Variants in HS6ST3 observed in about 807,000 individuals in gnomAD.
HS6ST3 encodes the protein heparan-sulfate 6-O-sulfotransferase 3.
In HS6ST3, 12 loss-of-function variants were observed where a neutral mutation model predicts 36.7. The ratio of observed to expected loss-of-function variants is 0.33; its 90% confidence interval spans 0.21 to 0.53. HS6ST3 has a LOEUF of 0.53. Ranked by LOEUF, HS6ST3 falls within the 20% of genes least tolerant of loss-of-function variation. HS6ST3 has a pLI of 0.95. For synonymous variants in HS6ST3, 240 were observed against 257.5 expected (o/e 0.93, Z 0.65); for missense variants, 584 against 640.9 (o/e 0.91, Z 0.96).
chr13:96,818,548 A>C (rs1878470012), intron 1 of HS6ST3, among the ~76,000 whole-genome samples: 1 of 152,228 alleles, frequency 6.6e-6, no homozygotes, highest in African/African-American at 2.4e-5. Context: ...AAGAGAAGCA[A>C]AAATGAAAGA....
At position 96,119,876 on chromosome 13, in the gene HS6ST3, G is replaced by GAA. The variant is rs34371079; in HGVS notation, c.707+28319_707+28320dup. On this transcript the variant is annotated intron_variant, in intron 1 of 1. Transcript: ENST00000376705. ...ACTATTGCAGCATTAAATATAATAG[G>GAA]AAAAAAAAAAAAAGGAAACTGTGCT... Among the ~76,000 whole-genome samples the GAA allele has an allele frequency of 8.9e-4, 128 of 143,990 alleles. 1 individual carries two copies. The highest frequency in any genetic ancestry group is 3.7e-3 in the Middle Eastern group (1 of 268). 94.5% of individuals were successfully genotyped at this position (143,990 alleles called of 152,430 possible).
chr13:96,749,617 T>C (rs1177596112), intron 1 of HS6ST3, among the ~76,000 whole-genome samples: 1 of 151,908 alleles, frequency 6.6e-6, no homozygotes, highest in Non-Finnish European at 1.5e-5. Context: ...TTAAGTCAGA[T>C]AAATACATTT....
intron 1 of HS6ST3, among the ~76,000 whole-genome samples, chr13:96,496,351 C>T (rs1403641282): frequency 6.6e-6 from 1 of 152,116 alleles, no homozygotes; most frequent in African/African-American, 2.4e-5. Context: ...AATGCCTTCC[C>T]GCTTTGTACA....
chr13:96,283,238 G>T (rs917704390), intron 1 of HS6ST3, among the ~76,000 whole-genome samples: 1 of 152,130 alleles, frequency 6.6e-6, no homozygotes, highest in Non-Finnish European at 1.5e-5. Flanking sequence ...AAGTAATAAA[G>T]TATTCTTTAT....
chr13:96,367,681 A>G (rs888851583), intron 1 of HS6ST3, among the ~76,000 whole-genome samples: 1 of 152,238 alleles, frequency 6.6e-6, no homozygotes, highest in Admixed American at 6.5e-5. Context: ...AAGAAGAAAA[A>G]CATGTTACCC....
chr13:96,251,158 G>A (rs150316586), intron 1 of HS6ST3, among the ~76,000 whole-genome samples: 2 of 152,272 alleles, frequency 1.3e-5, no homozygotes, highest in African/African-American at 4.8e-5. Flanking sequence ...TAGAGGATAG[G>A]TGTTAATTCT....
intron 1 of HS6ST3, among the ~76,000 whole-genome samples, chr13:96,180,642 T>C (rs2054235465): frequency 6.6e-6 from 1 of 152,224 alleles, no homozygotes; most frequent in African/African-American, 2.4e-5. Context: ...TGAGTACTTA[T>C]ATGTACCTGG....
At chr13:96,479,637 T>C (rs531226823) in intron 1 of HS6ST3, among the ~76,000 whole-genome samples, 1 of 152,132 alleles carries the variant, frequency 6.6e-6, no homozygotes, top group African/African-American at 2.4e-5. Context: ...ATTGATGAGG[T>C]GGAATTAAGA....
chr13:96,345,538 T>G (rs369357400), intron 1 of HS6ST3, among the ~76,000 whole-genome samples: 269 of 152,330 alleles, frequency 1.8e-3, no homozygotes, highest in African/African-American at 6.2e-3. Flanking sequence ...TATCTACCAT[T>G]TACATTTTCT....
chr13:96,455,266 C>G (rs1011547682), intron 1 of HS6ST3, among the ~76,000 whole-genome samples: 10 of 152,184 alleles, frequency 6.6e-5, no homozygotes, highest in African/African-American at 2.4e-4. Flanking sequence ...CACTCTGTCA[C>G]CCAGGCTGGA....
intron 1 of HS6ST3, among the ~76,000 whole-genome samples, chr13:96,812,316 C>A (rs1221821201): frequency 6.6e-6 from 1 of 152,178 alleles, no homozygotes; most frequent in Non-Finnish European, 1.5e-5. Flanking sequence ...CCCCATATGC[C>A]TTTGCCTTTC....
At chr13:96,530,058 A>G (rs76770223) in intron 1 of HS6ST3, among the ~76,000 whole-genome samples, 2,836 of 152,326 alleles carry the variant, frequency 0.019, 51 homozygotes, top group South Asian at 0.039. Flanking sequence ...TGAGCACTGA[A>G]TGATGCTCTG....
chr13:96,477,639 G>T (rs943419847), intron 1 of HS6ST3, among the ~76,000 whole-genome samples: 2 of 152,172 alleles, frequency 1.3e-5, no homozygotes, highest in African/African-American at 4.8e-5. Context: ...GAAGGCCAAG[G>T]CAGGCGCATC....
At chr13:96,822,249 GC>G (rs1306825336) in intron 1 of HS6ST3, among the ~76,000 whole-genome samples, 1 of 152,204 alleles carries the variant, frequency 6.6e-6, no homozygotes, top group African/African-American at 2.4e-5. Context: ...ATAAACCACA[GC>G]TTTGCAGAGA....
chr13:96,225,449 G>C (rs968372939), intron 1 of HS6ST3, among the ~76,000 whole-genome samples: 5 of 152,096 alleles, frequency 3.3e-5, no homozygotes, highest in African/African-American at 1.2e-4. Flanking sequence ...TTTTTACTGG[G>C]CATAATCATC....
intron 1 of HS6ST3, among the ~76,000 whole-genome samples, chr13:96,155,598 TA>T (rs973410946): frequency 2.8e-4 from 36 of 126,472 alleles, no homozygotes; most frequent in African/African-American, 8.6e-4. Context: ...GATTTTTTTT[TA>T]AAAAAGGCTA....
At chr13:96,127,639 A>G (rs935286155) in intron 1 of HS6ST3, among the ~76,000 whole-genome samples, 2 of 152,094 alleles carry the variant, frequency 1.3e-5, no homozygotes, top group African/African-American at 4.8e-5. Context: ...TTCTCCTTGT[A>G]TCTCTCTCAC....
chr13:96,818,436 G>A (rs866045643), intron 1 of HS6ST3, among the ~76,000 whole-genome samples: 33 of 152,190 alleles, frequency 2.2e-4, no homozygotes, highest in Admixed American at 2.6e-4. Context: ...CCCTAGATTA[G>A]TTTATGGACT....
intron 1 of HS6ST3, among the ~76,000 whole-genome samples, chr13:96,359,641 A>G (rs1594762176): frequency 6.9e-6 from 1 of 144,870 alleles, no homozygotes; most frequent in Non-Finnish European, 1.5e-5. Context: ...ATTGACACAT[A>G]GGCTTTCAGG....
Sources: allele counts gnomAD v4.1 joint callset (sites outside exome capture counted in the v4.1 genomes callset), GRCh38; gene constraint gnomAD v4.1.1; transcripts MANE v1.5; gene names NCBI Gene and HGNC (gene_info 2026-07-23, HGNC 2026-07-21).